The following PARD3B variants were observed in gnomAD, a reference collection of about 807,000 sequenced individuals.
The protein encoded by PARD3B is partitioning defective 3 homolog B.
Under a neutral mutation model 130.2 loss-of-function variants are expected in PARD3B, and 103 were observed. The ratio of observed to expected loss-of-function variants is 0.79; its 90% CI spans 0.67 to 0.93. The LOEUF (loss-of-function observed/expected upper bound fraction) is 0.93, where lower values mean the gene tolerates loss of function less well. Among genes scored for constraint, PARD3B ranks in the 40% least tolerant of loss-of-function variants. PARD3B has a pLI of 0.00. For synonymous variants in PARD3B, 583 were observed against 553.2 expected, an observed-to-expected ratio of 1.05 and a Z score of -0.76; for missense variants, 1,609 against 1,499.2, an observed-to-expected ratio of 1.07 and a Z score of -1.21.
At position 205,229,603 on chromosome 2, in the gene PARD3B, G is replaced by T. The variant is rs1574453834; in HGVS notation, c.2141-16175G>T. On this transcript the variant is annotated intron_variant, in intron 15 of 22. Coordinates refer to ENST00000406610, the MANE Select transcript of PARD3B (RefSeq NM_001302769.2). The surrounding 1 kb of genome is among the most constrained non-coding windows in gnomAD (Gnocchi z 5.2). ...ACGACTACCACTGGTACTGTTTGGGGTCAGACCTGAAGGCAGCACAGCACT... is the reference window on the plus strand; with the variant it reads ...ACGACTACCACTGGTACTGTTTGGGTTCAGACCTGAAGGCAGCACAGCACT... Among the ~76,000 whole-genome samples, 1 of 152,050 alleles carries T rather than the reference G, an allele frequency of 6.6e-6. No individual in the cohort carries two copies. The highest frequency in any genetic ancestry group is 1.5e-5 in the Non-Finnish European group (1 of 68,024).
intron 2 of PARD3B, among the ~76,000 whole-genome samples, chr2:204,748,719 T>C (rs966802261): frequency 1.1e-4 from 16 of 152,138 alleles, no homozygotes; most frequent in African/African-American, 2.7e-4. Context: ...CTAACTGATA[T>C]TGATGGCTGC....
intron 1 of PARD3B, among the ~76,000 whole-genome samples, chr2:204,681,428 A>G (rs942370269): frequency 6.6e-6 from 1 of 152,122 alleles, no homozygotes; most frequent in Non-Finnish European, 1.5e-5. Flanking sequence ...TTGGAAACAT[A>G]CTGTAGTTAA....
chr2:205,506,291 C>G (rs1403019303), intron 21 of PARD3B, among the ~76,000 whole-genome samples: 2 of 152,080 alleles, frequency 1.3e-5, no homozygotes, highest in Non-Finnish European at 2.9e-5. Flanking sequence ...TGAGATCGCA[C>G]CACTGCCCTC....
In PARD3B at chr2:204,556,088, A is replaced by G. The variant is rs530490994; in HGVS notation, c.120+9969A>G. Among the ~76,000 whole-genome samples, 8 of 152,330 alleles carry G rather than the reference A, an allele frequency of 5.3e-5. No homozygotes were observed. In the East Asian group the frequency reaches 1.5e-3, roughly 29 times the overall value. On this transcript the variant is annotated intron_variant, in intron 1 of 22. Coordinates refer to ENST00000406610, the MANE Select transcript of PARD3B (RefSeq NM_001302769.2). ...TTAGATTCTAGAAGAGCACCAGGTCATAGTAGGGCATCAGTAAGTTCTTTT... is the reference window on the plus strand; with the variant it reads ...TTAGATTCTAGAAGAGCACCAGGTCGTAGTAGGGCATCAGTAAGTTCTTTT...
chr2:204,698,797 A>G (rs1481476169), intron 2 of PARD3B, among the ~76,000 whole-genome samples: 1 of 152,070 alleles, frequency 6.6e-6, no homozygotes, highest in Non-Finnish European at 1.5e-5. Flanking sequence ...GGATTTCTTT[A>G]AAATTGTAGC....
intron 14 of PARD3B, 150 bp downstream of exon 14, chr2:205,186,013 A>G (rs2036077973): frequency 4.5e-6 from 3 of 659,678 alleles, no homozygotes; most frequent in African/African-American, 1.8e-5. Flanking sequence ...CGAAAGCTTC[A>G]GTGAAAGTTT....
chr2:205,175,390 C>T (rs983910447), intron 12 of PARD3B, among the ~76,000 whole-genome samples: 2 of 152,080 alleles, frequency 1.3e-5, no homozygotes, highest in Admixed American at 6.6e-5. Context: ...GTGTTACAAG[C>T]CTTGACAAAA....
Position 205,590,092 on chromosome 2 carries a change from T to G in PARD3B, c.3261-25364T>G, listed in dbSNP as rs2054330853. The stretch of plus-strand genomic sequence containing the variant: ...CTATTGGTATGAATATACCAACACA[T>G]GAATGTACACATGGACAATAGGTAA... On this transcript the variant is annotated intron_variant, in intron 22 of 22. Coordinates refer to ENST00000406610, the MANE Select transcript of PARD3B (RefSeq NM_001302769.2). The surrounding 1 kb of genome is among the most constrained non-coding windows in gnomAD (Gnocchi z 4.1). Among the ~76,000 whole-genome samples the G allele has an allele frequency of 6.6e-6, 1 of 152,172 alleles. No homozygotes were observed. Among genetic ancestry groups the G allele is most frequent in the Non-Finnish European group, 1.5e-5 (1 of 68,034 alleles).
At chr2:205,256,393 G>T (rs1400044134) in intron 16 of PARD3B, among the ~76,000 whole-genome samples, 2 of 152,084 alleles carry the variant, frequency 1.3e-5, no homozygotes, top group Non-Finnish European at 2.9e-5. Context: ...ATACAAAGTG[G>T]TATAGAATAT....
intron 1 of PARD3B, among the ~76,000 whole-genome samples, chr2:204,555,231 C>T (rs1278221732): frequency 6.6e-6 from 1 of 152,116 alleles, no homozygotes; most frequent in African/African-American, 2.4e-5. Flanking sequence ...GTTTGTTTTG[C>T]TGATTTGGCT....
rs1338112625 is a variant in PARD3B, at chr2:205,590,550, C to T, written c.3261-24906C>T. Among the ~76,000 whole-genome samples the T allele has an allele frequency of 6.6e-6, 1 of 152,170 alleles. No homozygotes were observed. Among genetic ancestry groups the T allele is most frequent in the East Asian group, 1.9e-4 (1 of 5,182 alleles). ...TGATGATCCAGGCCTGGGTCACATG[C>T]CCCTCTGGAGTCCAGAGTGGAGTCA... On this transcript the variant is annotated intron_variant, in intron 22 of 22. Transcript: ENST00000406610. The surrounding 1 kb of genome is among the most constrained non-coding windows in gnomAD (Gnocchi z 4.1).
At chr2:205,153,521 T>C (rs2125700514) in intron 10 of PARD3B, among the ~76,000 whole-genome samples, 1 of 152,306 alleles carries the variant, frequency 6.6e-6, no homozygotes, top group East Asian at 1.9e-4. Context: ...CAAATGACTT[T>C]CTTCACAGAA....
At chr2:204,739,324 T>C (rs1367618404) in intron 2 of PARD3B, among the ~76,000 whole-genome samples, 1 of 152,156 alleles carries the variant, frequency 6.6e-6, no homozygotes, top group Non-Finnish European at 1.5e-5. Context: ...TATCTATGTA[T>C]TGAAATGTGT....
At chr2:205,203,912 T>C (rs1205076134) in intron 15 of PARD3B, among the ~76,000 whole-genome samples, 3 of 152,194 alleles carry the variant, frequency 2.0e-5, no homozygotes, top group Admixed American at 6.5e-5. Flanking sequence ...GCAATAAACA[T>C]ACGTGTACAT....
chr2:204,610,319 A>G lies in PARD3B; in HGVS notation c.120+64200A>G, dbSNP rs575335245. ...TAATGTAATATGGCAAATATTTACA[A>G]TGATTTGTTAAGTAGTCTATCGGCA... On this transcript the variant is annotated intron_variant, in intron 1 of 22. Transcript: ENST00000406610. This position sits in a 1 kb window ranked among gnomAD's most constrained non-coding sequence, Gnocchi z 4.1. Among the ~76,000 whole-genome samples the G allele has an allele frequency of 6.6e-6, 1 of 152,348 alleles. No homozygotes were observed. Among genetic ancestry groups the G allele is most frequent in the South Asian group, 2.1e-4 (1 of 4,834 alleles).
At chr2:204,793,534 G>A (rs911629285) in intron 2 of PARD3B, among the ~76,000 whole-genome samples, 3 of 151,756 alleles carry the variant, frequency 2.0e-5, no homozygotes, top group Non-Finnish European at 2.9e-5. Flanking sequence ...GTGAGAAAGC[G>A]TCTCACACTG....
At chr2:205,316,112 A>G (rs3856509) in intron 18 of PARD3B, among the ~76,000 whole-genome samples, 84,244 of 152,052 alleles carry the variant, frequency 0.55, 27,095 homozygotes, top group South Asian at 0.75. Context: ...TTTGGATATT[A>G]ATGTGTTGTG....
At chr2:204,924,177 C>A (rs1363020214) in intron 2 of PARD3B, among the ~76,000 whole-genome samples, 1 of 151,862 alleles carries the variant, frequency 6.6e-6, no homozygotes, top group African/African-American at 2.4e-5. Context: ...ACAGTGCAAT[C>A]CCAATAAACA....
chr2:204,806,414 C>T (rs546827349), intron 2 of PARD3B, among the ~76,000 whole-genome samples: 1 of 152,206 alleles, frequency 6.6e-6, no homozygotes, highest in South Asian at 2.1e-4. Flanking sequence ...ATAAATAGTG[C>T]TGAGAAAACT....
Sources: allele counts gnomAD v4.1 joint callset (sites outside exome capture counted in the v4.1 genomes callset), GRCh38; gene constraint gnomAD v4.1.1; non-coding constraint Gnocchi (gnomAD v3.1); transcripts MANE v1.5; gene names NCBI Gene and HGNC (gene_info 2026-07-23, HGNC 2026-07-21).